PTPRB: variants seen among roughly 807,000 people sequenced by gnomAD.
The protein encoded by PTPRB is protein tyrosine phosphatase receptor type B.
A neutral mutation model predicts 238.1 loss-of-function variants in PTPRB; 97 were observed. That is an observed-to-expected ratio of 0.41 (90% CI 0.35 to 0.48). The LOEUF (loss-of-function observed/expected upper bound fraction) is 0.48, where lower values mean the gene tolerates loss of function less well. Among genes scored for constraint, PTPRB ranks in the 20% least tolerant of loss-of-function variants. PTPRB has a pLI of 0.30. For missense variants in PTPRB, 2,292 were observed against 2,681.9 expected, an observed-to-expected ratio of 0.85 and a Z score of 3.21; for synonymous variants, 970 against 995.4, an observed-to-expected ratio of 0.97 and a Z score of 0.48.
Position 70,637,344 on chromosome 12 carries a change from A to C in PTPRB, c.52T>G (p.Ser18Ala), listed in dbSNP as rs1190631411. 1.9e-6 allele frequency: 3 copies of C among 1,606,320 alleles called. No homozygotes were observed. The highest frequency in any genetic ancestry group is 2.6e-6 in the Non-Finnish European group (3 of 1,176,420). Reference protein sequence around the residue: ...VILTCLIFRNSEGFQIVHVQK... With the variant: ...VILTCLIFRNAEGFQIVHVQK... ...ACACTGAGGCAGACCCACTCACCTG[A>C]GTTCCTGAAGATCAAGCAGGTAAGA... The change falls in exon 1 of 34, where the codon TCA (serine) becomes GCA (alanine). Residue 18 changes from serine to alanine, a missense_variant. Around this residue, in one of 4 missense-constraint regions of PTPRB, gnomAD observed 1,205 missense variants for 1,287.8 expected, o/e 0.94. Transcript: ENST00000334414.
chr12:70,620,967 G>T (rs1050357055), intron 3 of PTPRB, among the ~76,000 whole-genome samples: 2 of 152,176 alleles, frequency 1.3e-5, no homozygotes, highest in Non-Finnish European at 2.9e-5. Context: ...ATGCATGTAA[G>T]AAGATTACTA....
chr12:70,539,160 G>T, intron 26 of PTPRB, 146 bp from the exon 27 acceptor site: 1 of 675,762 alleles, frequency 1.5e-6, no homozygotes, highest in Non-Finnish European at 2.6e-6. Context: ...CATTAGCCCT[G>T]ATCCCCACAA....
rs188462324 is a variant in PTPRB at position 70,577,191 on chromosome 12, C to T, written c.2579-546G>A. 8.5e-5 allele frequency among the ~76,000 whole-genome samples: 13 copies of T among 152,274 alleles called. No homozygotes were observed. The East Asian group carries it at 2.3e-3, about 27-fold the overall frequency. ...AACACAACCAGAGGGACCGTTTTCCCTTTGCAAGGCATTTCCTGCCCTCTA... is the reference window on the plus strand; with the variant it reads ...AACACAACCAGAGGGACCGTTTTCCTTTTGCAAGGCATTTCCTGCCCTCTA... On this transcript the variant is annotated intron_variant, in intron 10 of 33. Transcript: ENST00000334414.
chr12:70,536,271 C>T, intron 28 of PTPRB, 112 bp from the exon 29 acceptor site: 1 of 1,245,064 alleles, frequency 8.0e-7, no homozygotes, highest in Non-Finnish European at 1.1e-6. Context: ...TCTCTGACTT[C>T]AGAAAAAGAT....
chr12:70,609,883 A>AG (rs1371738560), intron 3 of PTPRB: 2 of 1,477,242 alleles, frequency 1.4e-6, no homozygotes, highest in East Asian at 2.6e-5. Flanking sequence ...GGGCCGGGGC[A>AG]GGGGGTCACC....
In PTPRB at chr12:70,591,323, T is replaced by C. The variant is rs527737800; in HGVS notation, c.1780+959A>G. 6.6e-5 allele frequency among the ~76,000 whole-genome samples: 10 copies of C among 152,250 alleles called. No homozygotes were observed. In the South Asian group the frequency reaches 2.1e-3, roughly 32 times the overall value. On this transcript the variant is annotated intron_variant, in intron 7 of 33. Coordinates refer to ENST00000334414, the MANE Select transcript of PTPRB (RefSeq NM_001109754.4). ...TATATCTCTTACTTCAGATCTCTAATAGCAGAGAGAATGGACTCTGGAATC... is the reference window on the plus strand; with the variant it reads ...TATATCTCTTACTTCAGATCTCTAACAGCAGAGAGAATGGACTCTGGAATC...
intron 8 of PTPRB, 98 bp downstream of exon 8, chr12:70,589,866 C>T (rs1177866116): frequency 1.7e-6 from 2 of 1,172,846 alleles, no homozygotes; most frequent in African/African-American, 1.5e-5. Flanking sequence ...CAGAAAACAC[C>T]AGGGTATGAT....
At position 70,520,090 on chromosome 12, in the gene PTPRB, C is replaced by A; in HGVS notation, c.*1399G>T. 1 of 365,644 alleles carries A rather than the reference C, an allele frequency of 2.7e-6. No homozygotes were observed. The allele number at this position is 365,644 out of a possible 1,614,324, so 22.6% of individuals were successfully genotyped here. On this transcript the variant is annotated 3_prime_UTR_variant, in exon 34 of 34. Coordinates refer to ENST00000334414, the MANE Select transcript of PTPRB (RefSeq NM_001109754.4). ...CATCAACAAACTTGACCTCTAATTC[C>A]CAAGTTTATTACAGAAAAATTTGTA...
At chr12:70,627,524 A>G (rs1340530946) in intron 2 of PTPRB, among the ~76,000 whole-genome samples, 1 of 152,156 alleles carries the variant, frequency 6.6e-6, no homozygotes, top group Non-Finnish European at 1.5e-5. Flanking sequence ...CTATTATTTT[A>G]CTTTTCTTTT....
chr12:70,631,632 G>A (rs1384186224), intron 2 of PTPRB, among the ~76,000 whole-genome samples: 1 of 152,150 alleles, frequency 6.6e-6, no homozygotes, highest in Non-Finnish European at 1.5e-5. Flanking sequence ...TACCATCAGA[G>A]TGAACAGGCA....
chr12:70,636,006 A>G lies in PTPRB; in HGVS notation c.116T>C (p.Val39Ala). Reference protein sequence around the residue: ...QQCLFKNEKVVVGSCNRTIQN... With the variant: ...QQCLFKNEKVAVGSCNRTIQN... ...GATGGTCCTGTTGCATGAGCCCACG[A>G]CCACTTTCTCATTTTTGAAAAGACA... Residue 39 changes from valine (V) to alanine (A), a missense_variant, in exon 2 of 34, where the codon GTC (valine) becomes GCC (alanine). By Grantham distance (64) the Val-to-Ala change is moderately conservative. This residue lies in a region of PTPRB where 1,205 missense variants were observed against 1,287.8 expected (regional missense o/e 0.94). Coordinates refer to ENST00000334414, the MANE Select transcript of PTPRB (RefSeq NM_001109754.4). 6.2e-7 allele frequency: 1 copy of G among 1,613,498 alleles called. No individual in the cohort carries two copies. The highest frequency in any genetic ancestry group is 2.2e-5 in the East Asian group (1 of 44,846).
At chr12:70,588,944 G>C (rs1246075328) in intron 8 of PTPRB, among the ~76,000 whole-genome samples, 1 of 152,154 alleles carries the variant, frequency 6.6e-6, no homozygotes, top group Non-Finnish European at 1.5e-5. Flanking sequence ...GGGAGACAGA[G>C]CAAGACTCTG....
Position 70,517,064 on chromosome 12 carries a change from T to C in PTPRB, c.*4425A>G, listed in dbSNP as rs575109457. On this transcript the variant is annotated 3_prime_UTR_variant, in exon 34 of 34. Coordinates refer to ENST00000334414, the MANE Select transcript of PTPRB (RefSeq NM_001109754.4). ...TTCCTGTTATCATGGCTGCATCAAATGTTACCCTGCATTTTAACTAAAATG... is the reference window on the plus strand; with the variant it reads ...TTCCTGTTATCATGGCTGCATCAAACGTTACCCTGCATTTTAACTAAAATG... 5.9e-5 allele frequency: 9 copies of C among 152,342 alleles called. No individual in the cohort carries two copies. Among genetic ancestry groups the C allele is most frequent in the Admixed American group, 2.0e-4 (3 of 15,304 alleles). 9.4% of individuals were successfully genotyped at this position (152,342 alleles called of 1,614,324 possible).
chr12:70,588,383 C>T (rs1882152707), intron 8 of PTPRB, among the ~76,000 whole-genome samples: 3 of 152,168 alleles, frequency 2.0e-5, no homozygotes, highest in Admixed American at 2.0e-4. Context: ...CCAGTAATCC[C>T]AGCACTTTGG....
At chr12:70,540,737 A>T (rs1874944546) in intron 23 of PTPRB, 121 bp downstream of exon 23, 1 of 731,950 alleles carries the variant, frequency 1.4e-6, no homozygotes, top group Non-Finnish European at 2.2e-6. Flanking sequence ...TTGAGAAAAC[A>T]GTGACAATTT....
chr12:70,607,555 T>C (rs1884056102), intron 4 of PTPRB, among the ~76,000 whole-genome samples: 1 of 150,554 alleles, frequency 6.6e-6, no homozygotes, highest in South Asian at 2.1e-4. Flanking sequence ...TTTCTTTTTT[T>C]TTTTTTTTTT....
chr12:70,586,096 C>T (rs1451976953), intron 9 of PTPRB, among the ~76,000 whole-genome samples: 7 of 152,022 alleles, frequency 4.6e-5, no homozygotes, highest in East Asian at 1.9e-4. Flanking sequence ...TGAATAGTGC[C>T]GCAATAAACA....
intron 3 of PTPRB, among the ~76,000 whole-genome samples, chr12:70,614,156 A>G (rs781537347): frequency 6.6e-6 from 1 of 152,188 alleles, no homozygotes; most frequent in East Asian, 1.9e-4. Context: ...CCACAGACCT[A>G]GGAATCAGAA....
intron 23 of PTPRB, chr12:70,540,504 C>A (rs1213990883): frequency 1.4e-5 from 3 of 215,984 alleles, no homozygotes; most frequent in Non-Finnish European, 2.7e-5. Flanking sequence ...CAGGATATTT[C>A]AGAAAAGCAC....
Sources: gnomAD v4.1 joint callset for allele counts (sites outside exome capture counted in the v4.1 genomes callset) on GRCh38, gnomAD v4.1.1 for gene constraint, gnomAD v4.1.1 regional missense constraint, MANE v1.5 for transcripts, NCBI Gene and HGNC (gene_info 2026-07-23, HGNC 2026-07-21) for gene names.